Variants in DENND10 observed in about 807,000 individuals in gnomAD.
The protein encoded by DENND10 is DENN domain-containing protein 10.
A neutral mutation model predicts 43.6 loss-of-function variants in DENND10; 24 were observed. The observed-to-expected ratio is 0.55, with a 90% confidence interval of 0.40 to 0.77. The LOEUF is 0.77. DENND10 is among the 30% of genes least tolerant of loss of function. DENND10 has a pLI of 0.00. For missense variants in DENND10, 303 were observed against 429.9 expected (o/e 0.70, Z 2.61); for synonymous variants, 125 against 157.6 (o/e 0.79, Z 1.55).
At chr10:119,131,767 A>G (rs12240627) in intron 7 of DENND10, among the ~76,000 whole-genome samples, 4,093 of 152,328 alleles carry the variant, frequency 0.027, 192 homozygotes, top group African/African-American at 0.091. Context: ...AATTCAAACT[A>G]TGGGGTCAGA....
rs1589748730 is a variant in DENND10 at position 119,132,834 on chromosome 10, T to C, written c.897+225T>C. The stretch of plus-strand genomic sequence containing the variant: ...GAGGGCAGGTATACACAGGGGCTGG[T>C]GCTGACACCGACCGCTGGCAATGAG... On this transcript the variant is annotated intron_variant, in intron 8 of 8. Coordinates refer to ENST00000361432, the MANE Select transcript of DENND10 (RefSeq NM_207009.4). The surrounding 1 kb of genome is among the most constrained non-coding windows in gnomAD (Gnocchi z 4.2). 2.0e-6 allele frequency: 1 copy of C among 511,866 alleles called. No individual in the cohort carries two copies. The highest frequency in any genetic ancestry group is 1.9e-5 in the African/African-American group (1 of 52,072). 31.7% of individuals were successfully genotyped at this position (511,866 alleles called of 1,614,324 possible).
chr10:119,108,333 A>AT (rs1477357344), intron 2 of DENND10, among the ~76,000 whole-genome samples, 169 bp downstream of exon 2: 4 of 151,972 alleles, frequency 2.6e-5, no homozygotes, highest in Non-Finnish European at 5.9e-5. Context: ...AAACACAAAA[A>AT]TTAGCTGGGC....
intron 6 of DENND10, 110 bp from the exon 7 acceptor site, chr10:119,129,405 T>A (rs764873527): frequency 3.5e-5 from 24 of 688,956 alleles, no homozygotes; most frequent in Non-Finnish European, 5.8e-5. Context: ...TGTTCCCGAA[T>A]GAATAAAGCA....
intron 3 of DENND10, chr10:119,114,551 A>T (rs1845148939): frequency 6.6e-6 from 1 of 152,172 alleles, no homozygotes; most frequent in Non-Finnish European, 1.5e-5. Context: ...TTTCATGCAC[A>T]CTTGCAGTCA....
chr10:119,132,368 AT>A lies in DENND10; in HGVS notation c.803-144del. The stretch of plus-strand genomic sequence containing the variant: ...GCCTTTCCTCCCAGCATGTTGTCAT[AT>A]TTGTGTCTAGTGATAAAATGGACAT... On this transcript the variant is annotated intron_variant, in intron 7 of 8. Transcript: ENST00000361432. This position sits in a 1 kb window ranked among gnomAD's most constrained non-coding sequence, Gnocchi z 4.2. The A allele has an allele frequency of 1.4e-6, 1 of 701,482 alleles. No individual in the cohort carries two copies. Among genetic ancestry groups the A allele is most frequent in the East Asian group, 2.5e-5 (1 of 40,598 alleles). 43.5% of individuals were successfully genotyped at this position (701,482 alleles called of 1,614,324 possible). A position where few individuals can be genotyped will look rare whatever the true frequency, so the allele number is the denominator to read the frequency against.
chr10:119,105,918 A>G (rs532141131), intron 1 of DENND10, among the ~76,000 whole-genome samples: 1 of 152,214 alleles, frequency 6.6e-6, no homozygotes, highest in East Asian at 1.9e-4. Context: ...AAAAGAGGCC[A>G]GGCGTGGTGG....
intron 3 of DENND10, among the ~76,000 whole-genome samples, chr10:119,116,486 C>T (rs1178067517): frequency 1.3e-5 from 2 of 152,136 alleles, no homozygotes; most frequent in East Asian, 3.8e-4. Context: ...CTGAGAACCC[C>T]AGTTGTGAAT....
chr10:119,116,058 C>A (rs1488224157), intron 3 of DENND10, among the ~76,000 whole-genome samples: 3 of 152,130 alleles, frequency 2.0e-5, no homozygotes, highest in African/African-American at 7.2e-5. Flanking sequence ...GTCACTGTGC[C>A]CGGCCCTCAA....
At chr10:119,130,531 C>T (rs767161286) in intron 7 of DENND10, among the ~76,000 whole-genome samples, 3 of 152,196 alleles carry the variant, frequency 2.0e-5, no homozygotes, top group Admixed American at 1.3e-4. Context: ...TTCCTAGCCT[C>T]AAGTGATCCA....
At chr10:119,126,084 C>T (rs914245286) in intron 6 of DENND10, among the ~76,000 whole-genome samples, 1 of 152,180 alleles carries the variant, frequency 6.6e-6, no homozygotes, top group African/African-American at 2.4e-5. Flanking sequence ...GCTTCTTTTA[C>T]TTAACATGAT....
Position 119,120,465 on chromosome 10 carries a change from A to C in DENND10, c.593+13A>C. ...AGGAGTTCACCAGGTATCACCTCTA[A>C]TTATAAAAAAGTGTTAACTTTGTTG... On this transcript the variant is annotated intron_variant, in intron 5 of 8. Transcript: ENST00000361432. The C allele has an allele frequency of 6.5e-7, 1 of 1,529,628 alleles. No homozygotes were observed. Among genetic ancestry groups the C allele is most frequent in the Non-Finnish European group, 9.1e-7 (1 of 1,103,322 alleles). 94.8% of individuals were successfully genotyped at this position (1,529,628 alleles called of 1,614,324 possible). A position where few individuals can be genotyped will look rare whatever the true frequency, so the allele number is the denominator to read the frequency against.
In DENND10 at chr10:119,132,583, G is replaced by A. The variant is rs755029703; in HGVS notation, c.871G>A (p.Glu291Lys). ...AATTGTTCAGTCTGCAGAAGATCCA[G>A]AGAAATCAGAGAGCCACGTTATACA... ...QLIVQSAEDP[E>K]KSESHVIQDI... Residue 291 changes from glutamate (E) to lysine (K), a missense_variant, in exon 8 of 9, where the codon GAG becomes AAG. Transcript: ENST00000361432. The surrounding 1 kb of genome is among the most constrained non-coding windows in gnomAD (Gnocchi z 4.2). The A allele has an allele frequency of 6.2e-7, 1 of 1,614,042 alleles. No homozygotes were observed. Among genetic ancestry groups the A allele is most frequent in the African/African-American group, 1.3e-5 (1 of 74,938 alleles).
At chr10:119,111,994 G>C in intron 3 of DENND10, 66 bp downstream of exon 3, 2 of 1,213,776 alleles carry the variant, frequency 1.6e-6, no homozygotes, top group Non-Finnish European at 2.4e-6. Flanking sequence ...TTACATAGCA[G>C]ATTTCTACAC....
chr10:119,108,697 C>T (rs551527488), intron 2 of DENND10, among the ~76,000 whole-genome samples: 1 of 150,746 alleles, frequency 6.6e-6, no homozygotes, highest in East Asian at 2.0e-4. Flanking sequence ...TTCTGTTGGT[C>T]AGGCTGGAGT....
At chr10:119,126,902 C>CTTT (rs1312302019) in intron 6 of DENND10, among the ~76,000 whole-genome samples, 1 of 137,514 alleles carries the variant, frequency 7.3e-6, no homozygotes, top group Non-Finnish European at 1.6e-5. Context: ...TTTTTCTTTT[C>CTTT]TTTTTTTTTT....
chr10:119,113,778 A>T (rs368477593), intron 3 of DENND10, among the ~76,000 whole-genome samples: 1 of 151,990 alleles, frequency 6.6e-6, no homozygotes, highest in East Asian at 1.9e-4. Context: ...GCTAAATGAG[A>T]TTTCACCATT....
chr10:119,105,690 A>T (rs767930619), intron 1 of DENND10: 1 of 197,594 alleles, frequency 5.1e-6, no homozygotes, highest in Non-Finnish European at 9.4e-6. Context: ...ACTAACGTGC[A>T]TTTAAAAGGG....
chr10:119,120,929 T>C (rs568139757), intron 5 of DENND10, among the ~76,000 whole-genome samples: 1 of 152,326 alleles, frequency 6.6e-6, no homozygotes, highest in East Asian at 1.9e-4. Context: ...TAAAAAGTTT[T>C]AGAGCAGGAC....
intron 3 of DENND10, among the ~76,000 whole-genome samples, chr10:119,115,887 C>T (rs988047780): frequency 1.3e-5 from 2 of 151,772 alleles, no homozygotes; most frequent in Non-Finnish European, 2.9e-5. Flanking sequence ...CCTCAGCCTC[C>T]CAAGTAGCTG....
Sources: gnomAD v4.1 joint callset for allele counts (sites outside exome capture counted in the v4.1 genomes callset) on GRCh38, gnomAD v4.1.1 for gene constraint, Gnocchi (gnomAD v3.1) non-coding constraint, MANE v1.5 for transcripts, NCBI Gene and HGNC (gene_info 2026-07-23, HGNC 2026-07-21) for gene names.